The following MDGA2 variants were observed in gnomAD, a reference collection of about 807,000 sequenced individuals.
MDGA2 encodes MAM domain-containing glycosylphosphatidylinositol anchor protein 2.
In MDGA2, 40 loss-of-function variants were observed where a neutral mutation model predicts 117.8. That is an observed-to-expected ratio of 0.34 (90% CI 0.26 to 0.44). The LOEUF is 0.44. Ranked by LOEUF, MDGA2 falls within the 20% of genes least tolerant of loss-of-function variation. The probability of loss-of-function intolerance (pLI) is 1.00; values close to 1 mark genes in which losing one functional copy is unlikely to be tolerated. For synonymous variants in MDGA2, 452 were observed against 439.0 expected, an observed-to-expected ratio of 1.03 and a Z score of -0.37; for missense variants, 1,123 against 1,250.6, an observed-to-expected ratio of 0.90 and a Z score of 1.54.
chr14:47,194,203 G>T (rs996246284), intron 3 of MDGA2, among the ~76,000 whole-genome samples: 1 of 152,144 alleles, frequency 6.6e-6, no homozygotes. Flanking sequence ...TGAGAGACAA[G>T]ACTGATTTAA....
chr14:47,179,177 C>G (rs757885204), intron 3 of MDGA2, among the ~76,000 whole-genome samples: 4 of 151,874 alleles, frequency 2.6e-5, no homozygotes, highest in Non-Finnish European at 5.9e-5. Flanking sequence ...AAATATTAAA[C>G]AAATAATAAT....
intron 7 of MDGA2, among the ~76,000 whole-genome samples, chr14:47,056,371 A>C (rs1446463690): frequency 1.3e-5 from 2 of 152,160 alleles, no homozygotes; most frequent in Non-Finnish European, 2.9e-5. Context: ...GCAGCAAACT[A>C]AAATTTTGAA....
chr14:47,343,119 G>C, intron 1 of MDGA2: 1 of 1,230,148 alleles, frequency 8.1e-7, no homozygotes, highest in Non-Finnish European at 1.0e-6. Context: ...AGATGCTCGA[G>C]GCACACAATA....
intron 1 of MDGA2, among the ~76,000 whole-genome samples, chr14:47,318,638 T>C (rs144825000): frequency 2.2e-4 from 33 of 152,252 alleles, no homozygotes; most frequent in Middle Eastern, 3.4e-3. Context: ...CCTGATTTTA[T>C]TGGCATTTTA....
chr14:46,938,694 A>T (rs779443068), intron 9 of MDGA2, among the ~76,000 whole-genome samples: 60 of 152,092 alleles, frequency 3.9e-4, no homozygotes, highest in Admixed American at 2.7e-3. Flanking sequence ...CACTACAGAG[A>T]AAAGTATGGA....
At chr14:47,221,279 T>C (rs570323490) in intron 2 of MDGA2, among the ~76,000 whole-genome samples, 7 of 150,416 alleles carry the variant, frequency 4.7e-5, no homozygotes, top group Admixed American at 2.0e-4. Context: ...CTTGGGATAG[T>C]TGAAAGGGGA....
intron 5 of MDGA2, among the ~76,000 whole-genome samples, chr14:47,113,987 C>G (rs1027905906): frequency 6.6e-6 from 1 of 152,066 alleles, no homozygotes; most frequent in South Asian, 2.1e-4. Flanking sequence ...GCAGATGACA[C>G]GATCCTACAT....
At chr14:47,108,810 G>A (rs1880880581) in intron 5 of MDGA2, among the ~76,000 whole-genome samples, 2 of 152,180 alleles carry the variant, frequency 1.3e-5, no homozygotes, top group African/African-American at 4.8e-5. Context: ...AGAAAAGCTA[G>A]AGAAACAGAA....
intron 1 of MDGA2, among the ~76,000 whole-genome samples, chr14:47,519,546 T>C (rs1166568240): frequency 6.6e-6 from 1 of 152,198 alleles, no homozygotes; most frequent in African/African-American, 2.4e-5. Context: ...GATGGTTTTC[T>C]TTTAAAAATG....
At chr14:47,591,739 A>C (rs1396604553) in intron 1 of MDGA2, among the ~76,000 whole-genome samples, 1 of 152,146 alleles carries the variant, frequency 6.6e-6, no homozygotes, top group African/African-American at 2.4e-5. Context: ...ACATCCCTTC[A>C]TGTTAAAAAT....
intron 1 of MDGA2, among the ~76,000 whole-genome samples, chr14:47,626,763 G>A (rs1308751217): frequency 6.6e-6 from 1 of 152,184 alleles, no homozygotes; most frequent in African/African-American, 2.4e-5. Flanking sequence ...GGCAGGGCTC[G>A]GGACCTGCAG....
intron 1 of MDGA2, among the ~76,000 whole-genome samples, chr14:47,638,475 G>A (rs1897363544): frequency 6.6e-6 from 1 of 152,166 alleles, no homozygotes; most frequent in African/African-American, 2.4e-5. Context: ...GCAATTGCCA[G>A]TGTTAGGTAA....
intron 1 of MDGA2, among the ~76,000 whole-genome samples, chr14:47,378,184 C>A (rs1293266522): frequency 6.6e-6 from 1 of 152,124 alleles, no homozygotes; most frequent in East Asian, 1.9e-4. Context: ...ACAGAAACAA[C>A]ATCCACACCA....
intron 1 of MDGA2, among the ~76,000 whole-genome samples, chr14:47,606,406 G>C (rs1354712856): frequency 1.3e-5 from 2 of 152,108 alleles, no homozygotes; most frequent in Admixed American, 1.3e-4. Flanking sequence ...TTTTTAAATT[G>C]TATCTATTGT....
At chr14:46,907,734 A>C (rs927430873) in intron 10 of MDGA2, among the ~76,000 whole-genome samples, 16 of 152,110 alleles carry the variant, frequency 1.1e-4, no homozygotes, top group Non-Finnish European at 1.9e-4. Context: ...TATCTTATAC[A>C]AAAGCAATGC....
chr14:47,451,092 C>T (rs757949444), intron 1 of MDGA2, among the ~76,000 whole-genome samples: 4 of 152,100 alleles, frequency 2.6e-5, no homozygotes, highest in African/African-American at 4.8e-5. Flanking sequence ...ACTACTACAA[C>T]CCTCTGACTC....
intron 1 of MDGA2, among the ~76,000 whole-genome samples, chr14:47,510,437 A>T (rs1894615144): frequency 1.3e-5 from 2 of 152,212 alleles, no homozygotes; most frequent in Admixed American, 1.3e-4. Context: ...AAGACATGAA[A>T]AGCCCTTTTA....
chr14:47,352,781 G>A (rs193036240), intron 1 of MDGA2, among the ~76,000 whole-genome samples: 152 of 151,944 alleles, frequency 1.0e-3, no homozygotes, highest in Non-Finnish European at 1.8e-3. Flanking sequence ...TGATTATTTC[G>A]AGAGCATTTG....
intron 3 of MDGA2, among the ~76,000 whole-genome samples, chr14:47,179,302 T>C (rs966146880): frequency 1.3e-5 from 2 of 152,232 alleles, no homozygotes; most frequent in East Asian, 1.9e-4. Context: ...CTACTTTTGA[T>C]AGAATCATTA....
Sources: gnomAD v4.1 joint callset for allele counts (sites outside exome capture counted in the v4.1 genomes callset) on GRCh38, gnomAD v4.1.1 for gene constraint, MANE v1.5 for transcripts, NCBI Gene and HGNC (gene_info 2026-07-23, HGNC 2026-07-21) for gene names.